ASCC1: variants seen among roughly 807,000 people sequenced by gnomAD.
ASCC1 encodes activating signal cointegrator 1 complex subunit 1, also known as ASC-1 complex subunit P50.
Under a neutral mutation model 46.6 loss-of-function variants are expected in ASCC1, and 35 were observed. That is an observed-to-expected ratio of 0.75 (90% CI 0.57 to 0.99). The LOEUF (loss-of-function observed/expected upper bound fraction) is 0.99, where lower values mean the gene tolerates loss of function less well. ASCC1 is among the 50% of genes least tolerant of loss of function. ASCC1 has a pLI of 0.00. For missense variants in ASCC1, 376 were observed against 428.7 expected (o/e 0.88, Z 1.09); for synonymous variants, 143 against 146.6 (o/e 0.98, Z 0.18).
chr10:72,198,737 TTCACA>T, intron 4 of ASCC1: 1 of 454,832 alleles, frequency 2.2e-6, no homozygotes, highest in Non-Finnish European at 4.4e-6. Flanking sequence ...CAGACTTGAC[TTCACA>T]TCACAATTCA....
intron 9 of ASCC1, among the ~76,000 whole-genome samples, chr10:72,114,452 C>A (rs1397301452): frequency 2.0e-5 from 3 of 151,942 alleles, no homozygotes; most frequent in African/African-American, 7.2e-5. Context: ...GGTGAAACCC[C>A]GTCTCTACTA....
In ASCC1 at chr10:72,161,684, A is replaced by G. The variant is rs763193718; in HGVS notation, c.490-10T>C. On this transcript the variant is annotated splice_polypyrimidine_tract_variant and intron_variant, in intron 5 of 9. Transcript: ENST00000672957. Reference sequence around the variant, plus strand: ...TGTCAACCCCATGATCCTGTTATCAAAGAGAGAAAAACAAGAAACTCAGCC... The same window carrying G: ...TGTCAACCCCATGATCCTGTTATCAGAGAGAGAAAAACAAGAAACTCAGCC... The G allele has an allele frequency of 6.2e-7, 1 of 1,614,118 alleles. No individual in the cohort carries two copies. The highest frequency in any genetic ancestry group is 1.7e-5 in the Admixed American group (1 of 60,014).
chr10:72,158,247 C>T (rs563138606), intron 6 of ASCC1, among the ~76,000 whole-genome samples: 2 of 152,340 alleles, frequency 1.3e-5, no homozygotes, highest in Non-Finnish European at 1.5e-5. Context: ...AAGCAAATTA[C>T]TTTCCAACTG....
At chr10:72,165,629 C>T (rs948015292) in intron 5 of ASCC1, among the ~76,000 whole-genome samples, 1 of 152,184 alleles carries the variant, frequency 6.6e-6, no homozygotes, top group East Asian at 1.9e-4. Flanking sequence ...GTTGACTCTT[C>T]GTTTTCTAAG....
chr10:72,127,984 T>C (rs1845086323), intron 9 of ASCC1, 98 bp downstream of exon 9: 3 of 968,616 alleles, frequency 3.1e-6, no homozygotes, highest in Non-Finnish European at 4.9e-6. Flanking sequence ...AGAAAAAGTA[T>C]GAAGAAGTAT....
intron 5 of ASCC1, among the ~76,000 whole-genome samples, chr10:72,185,604 T>C (rs1040418901): frequency 7.2e-5 from 11 of 152,152 alleles, no homozygotes; most frequent in African/African-American, 2.7e-4. Flanking sequence ...AAGGGAAACC[T>C]AATAGCAACA....
Position 72,210,120 on chromosome 10 carries a change from T to C in ASCC1, c.212+612A>G, listed in dbSNP as rs540867642. On this transcript the variant is annotated intron_variant, in intron 3 of 9. Transcript: ENST00000672957. ...TCCCCAGATGCTGGTGCCATGCTTG[T>C]ACTGTCTGTAGAGTCATGAGCCAAT... Among the ~76,000 whole-genome samples, 5 of 151,974 alleles carry C rather than the reference T, an allele frequency of 3.3e-5. No individual in the cohort carries two copies. The South Asian group carries it at 1.0e-3, about 32-fold the overall frequency.
chr10:72,096,612 A>AC lies in ASCC1; in HGVS notation c.*721dup. 1 of 453,726 alleles carries AC rather than the reference A, an allele frequency of 2.2e-6. No individual in the cohort carries two copies. Among genetic ancestry groups the AC allele is most frequent in the South Asian group, 1.6e-5 (1 of 64,464 alleles). 28.1% of individuals were successfully genotyped at this position (453,726 alleles called of 1,614,324 possible). On this transcript the variant is annotated 3_prime_UTR_variant, in exon 10 of 10. Transcript: ENST00000672957. Reference sequence around the variant, plus strand: ...GGCAGAGTCTCAAAGAGATATTTGCACCCCCGTGTCTGTATTAGCACTACT... The same window carrying AC: ...GGCAGAGTCTCAAAGAGATATTTGCACCCCCCGTGTCTGTATTAGCACTACT...
rs941077079 is a variant in ASCC1, at chr10:72,169,400, A to G, written c.490-7726T>C. On this transcript the variant is annotated intron_variant, in intron 5 of 9. Transcript: ENST00000672957. ...GGCTACAGTGAGCTGTGATAGTGCC[A>G]CTGCACTCCAGCCTGAGTGACAGAG... Among the ~76,000 whole-genome samples, 8 of 152,322 alleles carry G rather than the reference A, an allele frequency of 5.3e-5. No homozygotes were observed. In the East Asian group the frequency reaches 1.3e-3, roughly 26 times the overall value.
At chr10:72,141,072 G>C (rs1388857286) in intron 7 of ASCC1, among the ~76,000 whole-genome samples, 1 of 150,656 alleles carries the variant, frequency 6.6e-6, no homozygotes, top group African/African-American at 2.4e-5. Flanking sequence ...TAGATAGATA[G>C]ATAGATAGAT....
At chr10:72,169,255 G>T (rs1850754038) in intron 5 of ASCC1, among the ~76,000 whole-genome samples, 1 of 152,172 alleles carries the variant, frequency 6.6e-6, no homozygotes. Context: ...GGGTAACAAG[G>T]TGAAACCCCG....
intron 4 of ASCC1, among the ~76,000 whole-genome samples, chr10:72,200,664 CAAA>C (rs1038037776): frequency 2.0e-5 from 2 of 99,006 alleles, no homozygotes; most frequent in African/African-American, 3.0e-5. Flanking sequence ...AACTCCATCT[CAAA>C]AAAAAAAAAA....
intron 5 of ASCC1, among the ~76,000 whole-genome samples, chr10:72,173,662 T>C (rs1431360589): frequency 2.0e-5 from 3 of 152,238 alleles, no homozygotes; most frequent in Non-Finnish European, 4.4e-5. Context: ...AACTTTTCTC[T>C]TACTGAATTA....
At chr10:72,128,015 A>G in intron 9 of ASCC1, 67 bp downstream of exon 9, 1 of 1,202,000 alleles carries the variant, frequency 8.3e-7, no homozygotes, top group Non-Finnish European at 1.2e-6. Context: ...ACGGAGAACT[A>G]CTTGTTTTCC....
chr10:72,203,230 G>T (rs555960356), intron 4 of ASCC1, among the ~76,000 whole-genome samples, 197 bp downstream of exon 4: 1 of 145,520 alleles, frequency 6.9e-6, no homozygotes, highest in Non-Finnish European at 1.5e-5. Flanking sequence ...AGGTTGCAGT[G>T]AGCCGAGATC....
At chr10:72,160,697 C>G (rs1667773836) in intron 6 of ASCC1, among the ~76,000 whole-genome samples, 1 of 147,418 alleles carries the variant, frequency 6.8e-6, no homozygotes, top group Non-Finnish European at 1.5e-5. Flanking sequence ...AGACCCCGTC[C>G]CTAAAAAAAA....
At chr10:72,197,461 C>CT (rs1223066532) in intron 4 of ASCC1, among the ~76,000 whole-genome samples, 1 of 86,638 alleles carries the variant, frequency 1.2e-5, no homozygotes, top group Non-Finnish European at 2.1e-5. Flanking sequence ...GAGCAAGACT[C>CT]TATCTCAAAA....
At chr10:72,195,849 T>C (rs955753061) in intron 5 of ASCC1, among the ~76,000 whole-genome samples, 7 of 151,684 alleles carry the variant, frequency 4.6e-5, no homozygotes, top group African/African-American at 1.7e-4. Context: ...AAAAAAAAAG[T>C]ATGTGAGTGT....
intron 3 of ASCC1, among the ~76,000 whole-genome samples, chr10:72,207,024 G>T (rs749875285): frequency 1.3e-5 from 2 of 152,076 alleles, no homozygotes; most frequent in Admixed American, 6.6e-5. Context: ...ACAGGTGTGC[G>T]GCATGACATA....
Sources: allele counts gnomAD v4.1 joint callset (sites outside exome capture counted in the v4.1 genomes callset), GRCh38; gene constraint gnomAD v4.1.1; transcripts MANE v1.5; gene names NCBI Gene and HGNC (gene_info 2026-07-23, HGNC 2026-07-21).